The following HMGB1 variants were observed in gnomAD, a reference collection of about 807,000 sequenced individuals.
HMGB1 encodes the protein high mobility group protein B1.
For missense variants in HMGB1, 79 were observed against 253.5 expected (o/e 0.31, Z 4.67); for synonymous variants, 81 against 84.0 (o/e 0.96, Z 0.19).
rs544851048 is a variant in HMGB1, at chr13:30,480,916, A to G, written c.-14-17222T>C. On this transcript the variant is annotated intron_variant, in intron 1 of 4. Coordinates refer to the HMGB1 transcript ENST00000405805. ...TTTCAACACTTCAGGGAAAAGTAGT[A>G]ACTAAGGAAATCAATAATCTCATCC... is the stretch of plus-strand genomic sequence containing the variant. Among the ~76,000 whole-genome samples, 29 of 151,940 alleles carry G rather than the reference A, an allele frequency of 1.9e-4. No individual in the cohort carries two copies. In the South Asian group the frequency reaches 5.8e-3, roughly 31 times the overall value.
chr13:30,592,479 T>C (rs1019924109), intron 1 of HMGB1, among the ~76,000 whole-genome samples: 1 of 152,172 alleles, frequency 6.6e-6, no homozygotes, highest in African/African-American at 2.4e-5. Flanking sequence ...TGGAAAAACA[T>C]AGAAGTATCT....
chr13:30,488,689 TA>T (rs1887420581), intron 1 of HMGB1, among the ~76,000 whole-genome samples: 1 of 113,832 alleles, frequency 8.8e-6, no homozygotes, highest in East Asian at 2.1e-4. Context: ...TTATTATTAT[TA>T]TTATTACTTT....
chr13:30,575,373 T>C (rs1261125840), intron 1 of HMGB1, among the ~76,000 whole-genome samples: 1 of 152,180 alleles, frequency 6.6e-6, no homozygotes, highest in Non-Finnish European at 1.5e-5. Flanking sequence ...AGTCTAAAGG[T>C]TCATATGACG....
intron 1 of HMGB1, among the ~76,000 whole-genome samples, chr13:30,485,590 G>C (rs1354338146): frequency 3.3e-5 from 5 of 152,170 alleles, no homozygotes; most frequent in Non-Finnish European, 7.3e-5. Context: ...TGCATGCTGA[G>C]ACTTATAAAT....
chr13:30,465,960 A>G (rs1886766796), upstream of HMGB1: 1 of 985,810 alleles, frequency 1.0e-6, no homozygotes, highest in Non-Finnish European at 1.2e-6. Flanking sequence ...CGCGGCTCCT[A>G]TTGGCTACCG....
intron 1 of HMGB1, among the ~76,000 whole-genome samples, chr13:30,609,190 A>C (rs967302395): frequency 6.6e-6 from 1 of 152,178 alleles, no homozygotes; most frequent in African/African-American, 2.4e-5. Flanking sequence ...GTGAACCCGG[A>C]AGGCGGAGCT....
intron 1 of HMGB1, among the ~76,000 whole-genome samples, chr13:30,532,700 G>A (rs1418408792): frequency 6.6e-6 from 1 of 152,014 alleles, no homozygotes; most frequent in Non-Finnish European, 1.5e-5. Flanking sequence ...GTAGAGATGG[G>A]GTTTCGCCAT....
At chr13:30,573,652 T>TTC (rs983077157) in intron 1 of HMGB1, among the ~76,000 whole-genome samples, 3 of 145,508 alleles carry the variant, frequency 2.1e-5, no homozygotes, top group African/African-American at 7.5e-5. Flanking sequence ...AGCATTTTCT[T>TTC]TTTTTTTTTT....
At chr13:30,549,195 C>T (rs995345211) in intron 1 of HMGB1, among the ~76,000 whole-genome samples, 1 of 151,966 alleles carries the variant, frequency 6.6e-6, no homozygotes, top group Admixed American at 6.6e-5. Context: ...TACTCAGGTG[C>T]TCGCTTGGGT....
chr13:30,538,498 C>A lies in HMGB1; in HGVS notation c.-14-74804G>T, dbSNP rs559708636. Among the ~76,000 whole-genome samples, 7 of 15,798 alleles carry A rather than the reference C, an allele frequency of 4.4e-4. 2 individuals are homozygous for A. The highest frequency in any genetic ancestry group is 7.3e-4 in the African/African-American group (7 of 9,620). 10.4% of individuals were successfully genotyped at this position (15,798 alleles called of 152,430 possible). A position where few individuals can be genotyped will look rare whatever the true frequency, so the allele number is the denominator to read the frequency against. Reference sequence around the variant, plus strand: ...TCTTTCTTTCTTTCTTTCTTTCTTTCTTTCTTTCTTTCCTTTCTTTCTTTC... The same window carrying A: ...TCTTTCTTTCTTTCTTTCTTTCTTTATTTCTTTCTTTCCTTTCTTTCTTTC... On this transcript the variant is annotated intron_variant, in intron 1 of 4. Coordinates refer to the HMGB1 transcript ENST00000405805.
At chr13:30,578,375 T>C (rs1229966211) in intron 1 of HMGB1, among the ~76,000 whole-genome samples, 2 of 130,090 alleles carry the variant, frequency 1.5e-5, no homozygotes, top group African/African-American at 6.6e-5. Context: ...GTTCTTTTTT[T>C]TTTTTTTTTT....
At chr13:30,472,734 CTT>C (rs1401405091) in intron 1 of HMGB1, among the ~76,000 whole-genome samples, 1 of 152,110 alleles carries the variant, frequency 6.6e-6, no homozygotes, top group Non-Finnish European at 1.5e-5. Context: ...TATGAATTCT[CTT>C]GTCTGCTTTG....
upstream of HMGB1, among the ~76,000 whole-genome samples, chr13:30,466,723 CA>C (rs1886799047): frequency 6.6e-6 from 1 of 152,180 alleles, no homozygotes; most frequent in Admixed American, 6.5e-5. Flanking sequence ...TCCTGGAAAT[CA>C]AATAATTATT....
At chr13:30,469,917 CTG>C (rs1447194380), upstream of HMGB1, among the ~76,000 whole-genome samples, 2 of 152,260 alleles carry the variant, frequency 1.3e-5, no homozygotes, top group African/African-American at 2.4e-5. Context: ...GCATGAGCCA[CTG>C]TGCCCAGCCC....
intron 1 of HMGB1, among the ~76,000 whole-genome samples, chr13:30,493,481 T>G (rs1887544349): frequency 6.6e-6 from 1 of 152,102 alleles, no homozygotes. Flanking sequence ...GAACCTTGGT[T>G]GTGGTGGGTT....
intron 1 of HMGB1, among the ~76,000 whole-genome samples, chr13:30,570,258 G>A (rs1870369671): frequency 6.6e-6 from 1 of 152,188 alleles, no homozygotes; most frequent in South Asian, 2.1e-4. Context: ...TTTAAGCCCA[G>A]CCTGGTCAAC....
rs142694589 is a variant in HMGB1, at chr13:30,605,717, T to G, written c.-15+10954A>C. 4.0e-3 allele frequency among the ~76,000 whole-genome samples: 607 copies of G among 152,302 alleles called. 4 individuals carry two copies. Among genetic ancestry groups the G allele is most frequent in the African/African-American group, 0.014 (577 of 41,554 alleles). ...CTCTTGAGGCCTTTTCTTGCAAAGC[T>G]CAGTGAAGAAACATGGTTCCAGAGA... On this transcript the variant is annotated intron_variant, in intron 1 of 4. Transcript: ENST00000405805.
chr13:30,460,531 C>T lies in HMGB1; in HGVS notation c.*826G>A, dbSNP rs1274968714. ...GGTAATGGGAGTTAAAGAATAGAGT[C>T]CTCATGTAAAGGTTAGAACATACTT... On this transcript the variant is annotated 3_prime_UTR_variant, in exon 5 of 5. Coordinates refer to ENST00000341423, the MANE Select transcript of HMGB1 (RefSeq NM_002128.7). 6.6e-6 allele frequency: 1 copy of T among 152,028 alleles called. No individual in the cohort carries two copies. The highest frequency in any genetic ancestry group is 1.5e-5 in the Non-Finnish European group (1 of 67,890). The allele number at this position is 152,028 out of a possible 1,614,324, so 9.4% of individuals were successfully genotyped here. A position where few individuals can be genotyped will look rare whatever the true frequency, so the allele number is the denominator to read the frequency against.
intron 1 of HMGB1, among the ~76,000 whole-genome samples, chr13:30,544,551 C>T (rs773737418): frequency 8.5e-5 from 13 of 152,200 alleles, no homozygotes; most frequent in East Asian, 3.9e-4. Context: ...GGACTGGGTT[C>T]GCAGAGCTTC....
Sources: gnomAD v4.1 joint callset for allele counts (sites outside exome capture counted in the v4.1 genomes callset) on GRCh38, gnomAD v4.1.1 for gene constraint, MANE v1.5 for transcripts, NCBI Gene and HGNC (gene_info 2026-07-23, HGNC 2026-07-21) for gene names.